NAALADL2: variants seen among roughly 807,000 people sequenced by gnomAD.
The protein encoded by NAALADL2 is N-acetylated alpha-linked acidic dipeptidase like 2.
NAALADL2 carries 76 observed loss-of-function variants against 87.2 expected under a neutral mutation model. The ratio of observed to expected loss-of-function variants is 0.87; its 90% CI spans 0.72 to 1.05. NAALADL2 has a LOEUF of 1.05. NAALADL2 is among the 50% of genes least tolerant of loss of function. NAALADL2 has a pLI of 0.00. For missense variants in NAALADL2, 1,089 were observed against 945.8 expected (o/e 1.15, Z -1.99); for synonymous variants, 354 against 331.0 (o/e 1.07, Z -0.75).
intron 1 of NAALADL2, among the ~76,000 whole-genome samples, chr3:174,515,544 T>C (rs1275310600): frequency 2.0e-5 from 3 of 152,076 alleles, no homozygotes; most frequent in African/African-American, 7.2e-5. Context: ...CTAGGCTATA[T>C]ACTGTTAAAG....
chr3:174,940,285 C>T (rs7650029), intron 1 of NAALADL2, among the ~76,000 whole-genome samples: 42,208 of 151,938 alleles, frequency 0.28, 6,855 homozygotes, highest in East Asian at 0.48. Context: ...TTTTTGTCTT[C>T]AGTTCTGTTT....
chr3:174,948,832 G>C lies in NAALADL2; in HGVS notation c.43+89382G>C, dbSNP rs923963844. ...TGGACTGTCAGTTGAAACACTTACTGTCTTAGTTCTTTCAGGCTGCTATAA... is the reference window on the plus strand; with the variant it reads ...TGGACTGTCAGTTGAAACACTTACTCTCTTAGTTCTTTCAGGCTGCTATAA... On this transcript the variant is annotated intron_variant, in intron 1 of 13. Coordinates refer to ENST00000454872, the MANE Select transcript of NAALADL2 (RefSeq NM_207015.3). Among the ~76,000 whole-genome samples the C allele has an allele frequency of 5.3e-5, 8 of 152,074 alleles. No homozygotes were observed. In the East Asian group the frequency reaches 1.5e-3, roughly 29 times the overall value.
intron 13 of NAALADL2, among the ~76,000 whole-genome samples, chr3:175,783,056 T>C (rs1308703857): frequency 3.3e-5 from 5 of 150,400 alleles, no homozygotes; most frequent in Non-Finnish European, 7.4e-5. Flanking sequence ...TTCTGTTCCA[T>C]TGATCTATAT....
chr3:175,454,596 T>G (rs1184885783), intron 6 of NAALADL2, among the ~76,000 whole-genome samples: 1 of 152,118 alleles, frequency 6.6e-6, no homozygotes, highest in East Asian at 1.9e-4. Flanking sequence ...CAAATTCCCT[T>G]AGGTTGAAGA....
At chr3:175,605,077 G>C (rs1423084553) in intron 10 of NAALADL2, among the ~76,000 whole-genome samples, 1 of 152,148 alleles carries the variant, frequency 6.6e-6, no homozygotes, top group African/African-American at 2.4e-5. Context: ...TATGAAGAAA[G>C]CCTTTTACCT....
chr3:175,354,626 A>C (rs554050976), intron 5 of NAALADL2, among the ~76,000 whole-genome samples: 1 of 152,118 alleles, frequency 6.6e-6, no homozygotes, highest in African/African-American at 2.4e-5. Context: ...GATTTGAATT[A>C]TTTAAACTTA....
At chr3:175,703,933 C>T (rs563019109) in intron 11 of NAALADL2, among the ~76,000 whole-genome samples, 62 of 152,150 alleles carry the variant, frequency 4.1e-4, no homozygotes, top group African/African-American at 1.3e-3. Flanking sequence ...TTAATTGACT[C>T]CTGAGTTTCC....
intron 1 of NAALADL2, among the ~76,000 whole-genome samples, chr3:174,965,711 T>C (rs1742770933): frequency 6.6e-6 from 1 of 152,082 alleles, no homozygotes; most frequent in African/African-American, 2.4e-5. Flanking sequence ...AGGATCGATA[T>C]AAAAATAAAG....
intron 2 of NAALADL2, among the ~76,000 whole-genome samples, chr3:175,126,477 A>G (rs1005741895): frequency 5.9e-5 from 9 of 152,140 alleles, no homozygotes; most frequent in African/African-American, 1.9e-4. Context: ...GGCATTTCAA[A>G]AGTAACTGAA....
At chr3:174,585,700 T>C (rs992693113) in intron 2 of NAALADL2, among the ~76,000 whole-genome samples, 2 of 152,074 alleles carry the variant, frequency 1.3e-5, no homozygotes, top group African/African-American at 4.8e-5. Context: ...TTAATTCACA[T>C]TTATTGTAGA....
intron 1 of NAALADL2, among the ~76,000 whole-genome samples, chr3:175,033,413 T>G (rs1032202739): frequency 8.5e-5 from 13 of 152,138 alleles, no homozygotes; most frequent in South Asian, 4.1e-4. Flanking sequence ...TTCTGTTTTT[T>G]GCTCATCAAC....
In NAALADL2 at chr3:175,362,348, G is replaced by A. The variant is rs369386923; in HGVS notation, c.1090+38023G>A. 7.4e-5 allele frequency among the ~76,000 whole-genome samples: 11 copies of A among 147,788 alleles called. 1 individual carries two copies. In the East Asian group the frequency reaches 1.2e-3, roughly 16 times the overall value. ...TGGCTTAGGATTGTCTTGGCAATGC[G>A]GGCTCTTTTTTGGTTCCATATGAAC... On this transcript the variant is annotated intron_variant, in intron 5 of 13. Coordinates refer to ENST00000454872, the MANE Select transcript of NAALADL2 (RefSeq NM_207015.3).
chr3:174,871,941 A>G (rs1727880304), intron 1 of NAALADL2, among the ~76,000 whole-genome samples: 1 of 152,008 alleles, frequency 6.6e-6, no homozygotes, highest in Admixed American at 6.6e-5. Flanking sequence ...TTTAAGAAAA[A>G]TGATAACATT....
chr3:174,747,619 C>A (rs563933675), intron 3 of NAALADL2, among the ~76,000 whole-genome samples: 1 of 53,434 alleles, frequency 1.9e-5, no homozygotes, highest in East Asian at 4.1e-4. Flanking sequence ...AAGACCCCAT[C>A]TCAAAAAAAA....
At chr3:175,111,214 G>A (rs1724136518) in intron 2 of NAALADL2, among the ~76,000 whole-genome samples, 1 of 151,554 alleles carries the variant, frequency 6.6e-6, no homozygotes, top group African/African-American at 2.4e-5. Context: ...CCTAAGTCTG[G>A]GTCTGGAAAA....
At chr3:175,605,643 T>TTTTTTTTTTTTG (rs1553931375) in intron 10 of NAALADL2, among the ~76,000 whole-genome samples, 4 of 94,602 alleles carry the variant, frequency 4.2e-5, no homozygotes, top group Admixed American at 4.1e-4. Flanking sequence ...ATTGCTTGTT[T>TTTTTTTTTTTTG]TTTTTTTTTT....
chr3:175,263,778 C>G (rs904361156), intron 4 of NAALADL2, among the ~76,000 whole-genome samples: 4 of 151,674 alleles, frequency 2.6e-5, no homozygotes, highest in Admixed American at 1.3e-4. Flanking sequence ...GGGAAAGAAA[C>G]AGCAGCTAAT....
intron 3 of NAALADL2, among the ~76,000 whole-genome samples, chr3:174,843,125 T>C (rs7629700): frequency 0.47 from 70,855 of 151,832 alleles, 17,006 homozygotes; most frequent in African/African-American, 0.58. Flanking sequence ...AAAAGCCTCT[T>C]TTTGATCTAT....
chr3:175,033,646 A>T (rs1420050169), intron 1 of NAALADL2, among the ~76,000 whole-genome samples: 1 of 152,026 alleles, frequency 6.6e-6, no homozygotes, highest in Non-Finnish European at 1.5e-5. Context: ...TGTTTGAAAC[A>T]CTTTATTTGC....
Sources: gnomAD v4.1 joint callset for allele counts (sites outside exome capture counted in the v4.1 genomes callset) on GRCh38, gnomAD v4.1.1 for gene constraint, MANE v1.5 for transcripts, NCBI Gene and HGNC (gene_info 2026-07-23, HGNC 2026-07-21) for gene names.